Variants in RNF144B observed in about 807,000 individuals in gnomAD.
RNF144B encodes the protein ring finger protein 144B, also known as E3 ubiquitin-protein ligase RNF144B.
In RNF144B, 25 loss-of-function variants were observed where a neutral mutation model predicts 40.2. That is an observed-to-expected ratio of 0.62 (90% CI 0.45 to 0.87). The LOEUF (loss-of-function observed/expected upper bound fraction) is 0.87. Ranked by LOEUF, RNF144B falls within the 40% of genes least tolerant of loss-of-function variation. RNF144B has a pLI of 0.00. For synonymous variants in RNF144B, 145 were observed against 136.3 expected (o/e 1.06, Z -0.44); for missense variants, 365 against 373.7 (o/e 0.98, Z 0.19).
At position 18,444,608 on chromosome 6, in the gene RNF144B, T is replaced by C. The variant is rs1340040671; in HGVS notation, c.331+4864T>C. On this transcript the variant is annotated intron_variant, in intron 4 of 7. Coordinates refer to ENST00000259939, the MANE Select transcript of RNF144B (RefSeq NM_182757.4). The surrounding 1 kb of genome is among the most constrained non-coding windows in gnomAD (Gnocchi z 4.3). ...ATGTATCTGTTCTTGAATATTTATT[T>C]ATATTACCATATAGCAGTTTAAGAA... is the stretch of plus-strand genomic sequence containing the variant. Among the ~76,000 whole-genome samples the C allele has an allele frequency of 1.3e-5, 2 of 152,178 alleles. No individual in the cohort carries two copies. Among genetic ancestry groups the C allele is most frequent in the African/African-American group, 4.8e-5 (2 of 41,442 alleles).
At chr6:18,439,789 T>C (rs1396632735) in intron 4 of RNF144B, 45 bp downstream of exon 4, 1 of 1,344,468 alleles carries the variant, frequency 7.4e-7, no homozygotes, top group African/African-American at 1.4e-5. Context: ...TGGTTTTACA[T>C]GTGTCATTTT....
chr6:18,387,763 A>C, intron 1 of RNF144B, 133 bp downstream of exon 1: 1 of 584,214 alleles, frequency 1.7e-6, no homozygotes, highest in Non-Finnish European at 2.6e-6. Context: ...TGCTCAAACC[A>C]TACAGAACTG....
rs1488394306 is a variant in RNF144B, at chr6:18,463,361, T to C, written c.752T>C (p.Val251Ala). 2 of 1,609,534 alleles carry C rather than the reference T, an allele frequency of 1.2e-6. No homozygotes were observed. The highest frequency in any genetic ancestry group is 2.7e-5 in the African/African-American group (2 of 74,810). The change falls in exon 7 of 8, where the codon GTG (valine) becomes GCG (alanine). Residue 251 changes from valine (V) to alanine (A), a missense_variant. Transcript: ENST00000259939. ...RNKLGHSRAS[V>A]MWNRTQVVGI... ...AAACTTGGCCACTCAAGAGCATCAG[T>C]GATGTGGAACCGAACACAGGTACCC...
intron 4 of RNF144B, among the ~76,000 whole-genome samples, chr6:18,440,192 A>C (rs2113515666): frequency 6.6e-6 from 1 of 152,298 alleles, no homozygotes; most frequent in African/African-American, 2.4e-5. Flanking sequence ...GTAATAACAG[A>C]GTATGGATAT....
At chr6:18,417,882 A>G (rs1190462087) in intron 2 of RNF144B, among the ~76,000 whole-genome samples, 2 of 152,200 alleles carry the variant, frequency 1.3e-5, no homozygotes, top group African/African-American at 4.8e-5. Context: ...ACAACTCAGT[A>G]ATGAAAACAC....
Position 18,459,482 on chromosome 6 carries a change from ACCC to A in RNF144B, c.537-124_537-122del, listed in dbSNP as rs1759404977. On this transcript the variant is annotated intron_variant, in intron 5 of 7. Transcript: ENST00000259939. This position sits in a 1 kb window ranked among gnomAD's most constrained non-coding sequence, Gnocchi z 4.2. ...TACATCTAATAATGTTTTTGCCCAC[ACCC>A]TTTCTTTTGGAAGTGAATTAAGCAT... is the stretch of plus-strand genomic sequence containing the variant. 1 of 901,488 alleles carries A rather than the reference ACCC, an allele frequency of 1.1e-6. No homozygotes were observed. Among genetic ancestry groups the A allele is most frequent in the Admixed American group, 2.5e-5 (1 of 40,798 alleles). 55.8% of individuals were successfully genotyped at this position (901,488 alleles called of 1,614,324 possible).
Position 18,405,481 on chromosome 6 carries a change from T to A in RNF144B, c.165+5782T>A, listed in dbSNP as rs529340827. ...TGAGCCACCGTGCCCAGCCGCAAGG[T>A]TAGTTTTATGCTTTCCCTTAACTTT... is the stretch of plus-strand genomic sequence containing the variant. On this transcript the variant is annotated intron_variant, in intron 2 of 7. Coordinates refer to ENST00000259939, the MANE Select transcript of RNF144B (RefSeq NM_182757.4). The surrounding 1 kb of genome is among the most constrained non-coding windows in gnomAD (Gnocchi z 4.5). 2.0e-5 allele frequency among the ~76,000 whole-genome samples: 3 copies of A among 152,198 alleles called. No homozygotes were observed. In the East Asian group the frequency reaches 5.8e-4, roughly 29 times the overall value.
chr6:18,398,627 C>T lies in RNF144B; in HGVS notation c.-36-872C>T, dbSNP rs549007873. On this transcript the variant is annotated intron_variant, in intron 1 of 7. Coordinates refer to ENST00000259939, the MANE Select transcript of RNF144B (RefSeq NM_182757.4). The surrounding 1 kb of genome is among the most constrained non-coding windows in gnomAD (Gnocchi z 5.0). ...CAGGCTGGTCTTGAACTCCTGACCT[C>T]AAGCAATCCACCTGCCTCGGCCTCC... Among the ~76,000 whole-genome samples the T allele has an allele frequency of 1.9e-4, 29 of 152,336 alleles. No homozygotes were observed. In the South Asian group the frequency reaches 6.0e-3, roughly 32 times the overall value.
intron 1 of RNF144B, among the ~76,000 whole-genome samples, chr6:18,399,247 T>G (rs1162249103): frequency 1.3e-5 from 2 of 152,106 alleles, no homozygotes; most frequent in African/African-American, 2.4e-5. Context: ...CACCCCACCA[T>G]AGTGGTCTTT....
At position 18,464,537 on chromosome 6, in the gene RNF144B, A is replaced by T. The variant is rs1016905090; in HGVS notation, c.772-390A>T. Among the ~76,000 whole-genome samples, 2 of 152,202 alleles carry T rather than the reference A, an allele frequency of 1.3e-5. No individual in the cohort carries two copies. Among genetic ancestry groups the T allele is most frequent in the Non-Finnish European group, 2.9e-5 (2 of 68,038 alleles). ...TAGACTGGGAGGCTTAAAGAACAGA[A>T]ATTTACTTCTCATAGTTCTGGAGGC... On this transcript the variant is annotated intron_variant, in intron 7 of 7. Coordinates refer to ENST00000259939, the MANE Select transcript of RNF144B (RefSeq NM_182757.4). The surrounding 1 kb of genome is among the most constrained non-coding windows in gnomAD (Gnocchi z 6.1).
rs1453954571 is a variant in RNF144B at position 18,457,619 on chromosome 6, C to T, written c.536+260C>T. 6.6e-6 allele frequency among the ~76,000 whole-genome samples: 1 copy of T among 152,088 alleles called. No individual in the cohort carries two copies. Among genetic ancestry groups the T allele is most frequent in the East Asian group, 1.9e-4 (1 of 5,176 alleles). ...GCTTTCTCTTTAGGTAGTGAGGCACCGTGGTCTACTGGTTCTCAGTAGGAA... is the reference window on the plus strand; with the variant it reads ...GCTTTCTCTTTAGGTAGTGAGGCACTGTGGTCTACTGGTTCTCAGTAGGAA... On this transcript the variant is annotated intron_variant, in intron 5 of 7. Transcript: ENST00000259939. The surrounding 1 kb of genome is among the most constrained non-coding windows in gnomAD (Gnocchi z 5.1).
rs561486234 is a variant in RNF144B, at chr6:18,459,516, A to T, written c.537-91A>T. On this transcript the variant is annotated intron_variant, in intron 5 of 7. Coordinates refer to ENST00000259939, the MANE Select transcript of RNF144B (RefSeq NM_182757.4). This position sits in a 1 kb window ranked among gnomAD's most constrained non-coding sequence, Gnocchi z 4.2. ...TTTGGAAGTGAATTAAGCATGGATA[A>T]CTGTGAGTTCATTATCTAACCATCA... 2 of 1,314,554 alleles carry T rather than the reference A, an allele frequency of 1.5e-6. No homozygotes were observed. The highest frequency in any genetic ancestry group is 2.9e-5 in the African/African-American group (2 of 68,524). The allele number at this position is 1,314,554 out of a possible 1,614,324, so 81.4% of individuals were successfully genotyped here. A position where few individuals can be genotyped will look rare whatever the true frequency, so the allele number is the denominator to read the frequency against.
chr6:18,439,751 A>G lies in RNF144B; in HGVS notation c.331+7A>G, dbSNP rs773199517. ...AGGTTAAAATTTGAAAGAGGTATGA[A>G]CTCTTCTTTTTTTCCTGATGATGAA... On this transcript the variant is annotated splice_region_variant and intron_variant, in intron 4 of 7. Transcript: ENST00000259939. 1 of 1,588,448 alleles carries G rather than the reference A, an allele frequency of 6.3e-7. No individual in the cohort carries two copies. Among genetic ancestry groups the G allele is most frequent in the Non-Finnish European group, 8.6e-7 (1 of 1,157,108 alleles).
chr6:18,438,409 T>C (rs1180560661), intron 3 of RNF144B, among the ~76,000 whole-genome samples: 1 of 152,158 alleles, frequency 6.6e-6, no homozygotes, highest in East Asian at 1.9e-4. Flanking sequence ...AGGTACCAGA[T>C]GAAAATGCAA....
intron 3 of RNF144B, among the ~76,000 whole-genome samples, chr6:18,435,223 G>C (rs1758790506): frequency 6.6e-6 from 1 of 152,284 alleles, no homozygotes; most frequent in South Asian, 2.1e-4. Flanking sequence ...AGAAGAAGTA[G>C]CAAAAATTAA....
intron 4 of RNF144B, among the ~76,000 whole-genome samples, chr6:18,445,024 G>GTT (rs35173040): frequency 1.3e-5 from 2 of 151,498 alleles, no homozygotes; most frequent in East Asian, 2.1e-4. Context: ...TTCTTTTAGT[G>GTT]TTTTTTTCCC....
chr6:18,424,887 G>A (rs1758511139), intron 2 of RNF144B, among the ~76,000 whole-genome samples: 1 of 152,172 alleles, frequency 6.6e-6, no homozygotes, highest in South Asian at 2.1e-4. Context: ...TGCAGGGAGT[G>A]GAGAAAGGAT....
intron 4 of RNF144B, among the ~76,000 whole-genome samples, chr6:18,452,315 A>G (rs998683237): frequency 2.0e-5 from 3 of 152,200 alleles, no homozygotes; most frequent in African/African-American, 7.2e-5. Context: ...AATAGACAGC[A>G]GCAATTAACA....
chr6:18,432,560 G>A (rs1330372299), intron 3 of RNF144B, among the ~76,000 whole-genome samples: 3 of 152,198 alleles, frequency 2.0e-5, no homozygotes, highest in Admixed American at 6.5e-5. Flanking sequence ...TTCAGGCGAA[G>A]CCCTTGCTTG....
Sources: allele counts gnomAD v4.1 joint callset (sites outside exome capture counted in the v4.1 genomes callset), GRCh38; gene constraint gnomAD v4.1.1; non-coding constraint Gnocchi (gnomAD v3.1); transcripts MANE v1.5; gene names NCBI Gene and HGNC (gene_info 2026-07-23, HGNC 2026-07-21).